The following PIGR variants were observed in gnomAD, a reference collection of about 807,000 sequenced individuals.
PIGR encodes polymeric immunoglobulin receptor, also known as hepatocellular carcinoma associated protein TB6.
In PIGR, 22 loss-of-function variants were observed where a neutral mutation model predicts 69.5. That is an observed-to-expected ratio of 0.32 (90% CI 0.23 to 0.45). The LOEUF is 0.45. PIGR is among the 20% of genes least tolerant of loss of function. The pLI, the probability that PIGR is intolerant of heterozygous loss-of-function variation, is 1.00. For synonymous variants in PIGR, 413 were observed against 407.6 expected, an observed-to-expected ratio of 1.01 and a Z score of -0.16; for missense variants, 885 against 974.0, an observed-to-expected ratio of 0.91 and a Z score of 1.22.
Position 206,937,645 on chromosome 1 carries a change from C to A in PIGR, c.495G>T (p.Leu165Phe), listed in dbSNP as rs749129250. ...CAGGGTACAGGCCTATCTGCTTGTA[C>A]AAGGACTTCCTCTTTTGAGCATTCT... ...KTENAQKRKS[L>F]YKQIGLYPVL... The change falls in exon 4 of 11, where the codon TTG becomes TTT. Residue 165 changes from leucine (L) to phenylalanine (F), a missense_variant. By Grantham distance (22) the Leu-to-Phe change is conservative. Coordinates refer to ENST00000356495, the MANE Select transcript of PIGR (RefSeq NM_002644.4). 19 of 1,613,740 alleles carry A rather than the reference C, an allele frequency of 1.2e-5. No homozygotes were observed. The highest frequency in any genetic ancestry group is 1.6e-5 in the Non-Finnish European group (19 of 1,179,848).
In PIGR at chr1:206,937,603, G is replaced by A. The variant is rs1347396397; in HGVS notation, c.537C>T (p.Ser179=). The change falls in exon 4 of 11, where the codon TCC becomes TCT. Residue 179 remains serine, a synonymous_variant. Coordinates refer to ENST00000356495, the MANE Select transcript of PIGR (RefSeq NM_002644.4). ...IGLYPVLVID[S]SGYVNPNYTG... is the part of the protein sequence containing the mutation. Reference sequence around the variant, plus strand: ...TATAGTTGGGATTTACATAACCACTGGAGTCGATGACCAGCACAGGGTACA... The same window carrying A: ...TATAGTTGGGATTTACATAACCACTAGAGTCGATGACCAGCACAGGGTACA... 1.9e-6 allele frequency: 3 copies of A among 1,613,880 alleles called. No individual in the cohort carries two copies. The highest frequency in any genetic ancestry group is 2.5e-6 in the Non-Finnish European group (3 of 1,179,948).
chr1:206,930,841 T>C lies in PIGR; in HGVS notation c.2200-428A>G. On this transcript the variant is annotated intron_variant, in intron 10 of 10. Transcript: ENST00000356495. The surrounding 1 kb of genome is among the most constrained non-coding windows in gnomAD (Gnocchi z 4.3). ...TCCCAGGAATAACTCGTTCTAACTT[T>C]GCTAAATGCCAGAGATGTTTCAAGA... The C allele has an allele frequency of 1.0e-6, 1 of 985,444 alleles. No individual in the cohort carries two copies. Among genetic ancestry groups the C allele is most frequent in the Non-Finnish European group, 1.2e-6 (1 of 829,938 alleles). 61.0% of individuals were successfully genotyped at this position (985,444 alleles called of 1,614,324 possible). A position where few individuals can be genotyped will look rare whatever the true frequency, so the allele number is the denominator to read the frequency against.
intron 10 of PIGR, chr1:206,931,114 C>A (rs1572641050): frequency 1.0e-6 from 1 of 985,428 alleles, no homozygotes. Flanking sequence ...CCTGAGCAAA[C>A]CCTCAAGGGA....
intron 1 of PIGR, among the ~76,000 whole-genome samples, chr1:206,942,707 C>T (rs1046059182): frequency 6.6e-6 from 1 of 152,204 alleles, no homozygotes; most frequent in Non-Finnish European, 1.5e-5. Context: ...CCACCCTGAC[C>T]TCTGTCCCAG....
At chr1:206,932,631 C>A (rs1405388409) in intron 7 of PIGR, 54 bp from the exon 8 acceptor site, 4 of 1,551,678 alleles carry the variant, frequency 2.6e-6, no homozygotes, top group South Asian at 1.2e-5. Flanking sequence ...GGGGGCCCGA[C>A]GATGTGCTGG....
Position 206,932,594 on chromosome 1 carries a change from G to C in PIGR, c.1887-17C>G. The stretch of plus-strand genomic sequence containing the variant: ...TCCTCAGAGCTGGAAGAAGGCTTAA[G>C]TTAGTTCATCCCTGGAAGGGAGATC... On this transcript the variant is annotated splice_polypyrimidine_tract_variant and intron_variant, in intron 7 of 10. Transcript: ENST00000356495. The C allele has an allele frequency of 6.2e-7, 1 of 1,603,332 alleles. No individual in the cohort carries two copies. The highest frequency in any genetic ancestry group is 1.1e-5 in the South Asian group (1 of 89,782).
chr1:206,938,063 T>G (rs1003993355), intron 3 of PIGR, among the ~76,000 whole-genome samples: 1 of 152,260 alleles, frequency 6.6e-6, no homozygotes, highest in Non-Finnish European at 1.5e-5. Flanking sequence ...TGGAACATGT[T>G]TTTCTCATGT....
chr1:206,938,209 C>T (rs535735783), intron 3 of PIGR, among the ~76,000 whole-genome samples: 1 of 152,300 alleles, frequency 6.6e-6, no homozygotes, highest in East Asian at 1.9e-4. Context: ...CTAAAAATTA[C>T]AAGAGTCTAA....
chr1:206,939,589 T>C (rs977532616), intron 2 of PIGR, 126 bp from the exon 3 acceptor site: 6 of 599,330 alleles, frequency 1.0e-5, no homozygotes, highest in Admixed American at 6.7e-5. Context: ...ATTTATCATA[T>C]ATCACAGCTG....
In PIGR at chr1:206,932,443, C is replaced by T. The variant is rs1326750823; in HGVS notation, c.2008+13G>A. The T allele has an allele frequency of 3.1e-6, 5 of 1,606,940 alleles. No individual in the cohort carries two copies. The Admixed American group carries it at 6.7e-5, about 22-fold the overall frequency. ...GTTGGAGGTGGGAGGCAGGGAGTAT[C>T]CCAGGGACTCACCGACGTTCTTCCT... On this transcript the variant is annotated intron_variant, in intron 8 of 10. Transcript: ENST00000356495.
Position 206,939,124 on chromosome 1 carries a change from C to T in PIGR, c.383G>A (p.Ser128Asn), listed in dbSNP as rs1341487305. Residue 128 changes from serine to asparagine, a missense_variant, in exon 3 of 11, where the codon AGC (serine) becomes AAC (asparagine). By Grantham distance (46) the Ser-to-Asn change is conservative. Transcript: ENST00000356495. Reference protein sequence around the residue: ...GLSFDVSLEVSQGPGLLNDTK... With the variant: ...GLSFDVSLEVNQGPGLLNDTK... ...CAAGGAGCTTGGATCCTTACCCTGG[C>T]TGACCTCCAGGCTGACATCAAAGGA... The T allele has an allele frequency of 6.2e-7, 1 of 1,604,072 alleles. No homozygotes were observed. The highest frequency in any genetic ancestry group is 8.5e-7 in the Non-Finnish European group (1 of 1,172,152).
chr1:206,931,558 G>T lies in PIGR; in HGVS notation c.2141-3C>A, dbSNP rs1679750553. 2 of 1,613,852 alleles carry T rather than the reference G, an allele frequency of 1.2e-6. No homozygotes were observed. Among genetic ancestry groups the T allele is most frequent in the South Asian group, 2.2e-5 (2 of 91,074 alleles). On this transcript the variant is annotated splice_polypyrimidine_tract_variant and splice_region_variant and intron_variant, in intron 9 of 10. Transcript: ENST00000356495. Reference sequence around the variant, plus strand: ...GCTCTCAGTGGTGGCAACAAACTCTGTGTGAAGAAAGAGGGTAGGTTAGCC... The same window carrying T: ...GCTCTCAGTGGTGGCAACAAACTCTTTGTGAAGAAAGAGGGTAGGTTAGCC...
At chr1:206,940,750 T>C (rs1467151561) in intron 1 of PIGR, among the ~76,000 whole-genome samples, 166 bp from the exon 2 acceptor site, 1 of 152,254 alleles carries the variant, frequency 6.6e-6, no homozygotes, top group East Asian at 1.9e-4. Flanking sequence ...CAAAGTCTTA[T>C]CATCCTTCAA....
At position 206,935,891 on chromosome 1, in the gene PIGR, C is replaced by T; in HGVS notation, c.1046-73G>A. The T allele has an allele frequency of 8.6e-7, 1 of 1,160,282 alleles. No individual in the cohort carries two copies. Among genetic ancestry groups the T allele is most frequent in the Non-Finnish European group, 1.2e-6 (1 of 814,280 alleles). The allele number at this position is 1,160,282 out of a possible 1,614,324, so 71.9% of individuals were successfully genotyped here. A position where few individuals can be genotyped will look rare whatever the true frequency, so the allele number is the denominator to read the frequency against. ...AGCCTTGCGTGGCCTGAGAAGCCTT[C>T]TTCCCGGGGTCTCAGCCAGGATGGG... On this transcript the variant is annotated intron_variant, in intron 4 of 10. Coordinates refer to ENST00000356495, the MANE Select transcript of PIGR (RefSeq NM_002644.4). This position sits in a 1 kb window ranked among gnomAD's most constrained non-coding sequence, Gnocchi z 4.4.
chr1:206,937,079 C>T lies in PIGR; in HGVS notation c.1045+16G>A, dbSNP rs762841805. The T allele has an allele frequency of 3.9e-6, 6 of 1,551,966 alleles. No individual in the cohort carries two copies. The East Asian group carries it at 1.4e-4, about 35-fold the overall frequency. On this transcript the variant is annotated intron_variant, in intron 4 of 10. Transcript: ENST00000356495. ...AGACTGCCCCACCTACTCCCCCTCC[C>T]TCTCTAGGGTCTTACCCTCATTGAC...
rs960926274 is a variant in PIGR at position 206,944,753 on chromosome 1, A to AT, written c.-54+1582dup. ...TCTCTGCTGAGCACAATGCATAGGT[A>AT]TTTTTTTTTAAGTTGGATAGTTTGC... On this transcript the variant is annotated intron_variant, in intron 1 of 10. Coordinates refer to ENST00000356495, the MANE Select transcript of PIGR (RefSeq NM_002644.4). 1.5e-4 allele frequency among the ~76,000 whole-genome samples: 22 copies of AT among 151,542 alleles called. No individual in the cohort carries two copies. The East Asian group carries it at 1.5e-3, about 11-fold the overall frequency.
Position 206,935,636 on chromosome 1 carries a change from C to T in PIGR, c.1228G>A (p.Glu410Lys), listed in dbSNP as rs149666963. Residue 410 changes from glutamate (E) to lysine (K), a missense_variant, in exon 5 of 11, where the codon GAG (glutamate) becomes AAG (lysine). Physicochemically the swap from Glu to Lys is moderately conservative, Grantham distance 56. Coordinates refer to ENST00000356495, the MANE Select transcript of PIGR (RefSeq NM_002644.4). The surrounding 1 kb of genome is among the most constrained non-coding windows in gnomAD (Gnocchi z 4.4). ...DSEGWVKAQY[E>K]GRLSLLEEPG... ...TCCTCCAGCAGGGAGAGGCGGCCCT[C>T]GTACTGGGCCTTAACCCACCCCTCG... 5.6e-6 allele frequency: 9 copies of T among 1,613,946 alleles called. No individual in the cohort carries two copies. Among genetic ancestry groups the T allele is most frequent in the South Asian group, 2.2e-5 (2 of 91,080 alleles).
At chr1:206,932,321 C>T (rs1679770021) in intron 8 of PIGR, 135 bp downstream of exon 8, 1 of 1,074,116 alleles carries the variant, frequency 9.3e-7, no homozygotes, top group African/African-American at 1.6e-5. Context: ...TTATCTTTCC[C>T]CATCCTGCTT....
At chr1:206,932,640 G>A in intron 7 of PIGR, 63 bp from the exon 8 acceptor site, 8 of 1,531,744 alleles carry the variant, frequency 5.2e-6, no homozygotes, top group South Asian at 2.5e-5. Flanking sequence ...ACGATGTGCT[G>A]GCAAGGTTGG....
Sources: gnomAD v4.1 joint callset for allele counts (sites outside exome capture counted in the v4.1 genomes callset) on GRCh38, gnomAD v4.1.1 for gene constraint, Gnocchi (gnomAD v3.1) non-coding constraint, MANE v1.5 for transcripts, NCBI Gene and HGNC (gene_info 2026-07-23, HGNC 2026-07-21) for gene names.